The following ABCC4 variants were observed in gnomAD, a reference collection of about 807,000 sequenced individuals.
The protein encoded by ABCC4 is ATP-binding cassette sub-family C member 4.
In ABCC4, 102 loss-of-function variants were observed where a neutral mutation model predicts 168.5. The observed-to-expected ratio is 0.61, with a 90% confidence interval of 0.52 to 0.71. The LOEUF (loss-of-function observed/expected upper bound fraction) is 0.71. Ranked by LOEUF, ABCC4 falls within the 30% of genes least tolerant of loss-of-function variation. The pLI, the probability that ABCC4 is intolerant of heterozygous loss-of-function variation, is 0.00. For missense variants in ABCC4, 1,402 were observed against 1,605.8 expected (o/e 0.87, Z 2.17); for synonymous variants, 617 against 590.7 (o/e 1.04, Z -0.65).
At chr13:95,089,760 T>C (rs925462242) in intron 20 of ABCC4, among the ~76,000 whole-genome samples, 1 of 151,678 alleles carries the variant, frequency 6.6e-6, no homozygotes, top group African/African-American at 2.4e-5. Flanking sequence ...AAGAACCACA[T>C]GATCATATAA....
chr13:95,085,777 C>T (rs1327608859), intron 20 of ABCC4, among the ~76,000 whole-genome samples: 1 of 152,220 alleles, frequency 6.6e-6, no homozygotes, highest in African/African-American at 2.4e-5. Flanking sequence ...GAAGAGGCAA[C>T]ATGTCATAAG....
intron 19 of ABCC4, among the ~76,000 whole-genome samples, chr13:95,137,265 CACGTGTATTGAG>C (rs1390012673): frequency 6.6e-6 from 1 of 152,178 alleles, no homozygotes; most frequent in Non-Finnish European, 1.5e-5. Context: ...CCAGGAAGGC[CACGTGTATTGAG>C]ACTTTCTTAC....
intron 26 of ABCC4, among the ~76,000 whole-genome samples, chr13:95,058,999 A>G (rs2033181823): frequency 6.6e-6 from 1 of 152,260 alleles, no homozygotes; most frequent in African/African-American, 2.4e-5. Flanking sequence ...TAGAATGGAT[A>G]TAATAGAAAA....
chr13:95,300,625 G>T (rs2041650756), intron 1 of ABCC4, among the ~76,000 whole-genome samples: 1 of 152,138 alleles, frequency 6.6e-6, no homozygotes, highest in Non-Finnish European at 1.5e-5. Flanking sequence ...AGAGACACCG[G>T]GACACAGAGA....
chr13:95,199,339 A>G (rs2038556684), intron 8 of ABCC4, among the ~76,000 whole-genome samples: 1 of 152,134 alleles, frequency 6.6e-6, no homozygotes, highest in African/African-American at 2.4e-5. Flanking sequence ...GAAGAAAGTG[A>G]ACATTGGATC....
At chr13:95,157,002 G>T (rs144329006) in intron 19 of ABCC4, among the ~76,000 whole-genome samples, 18 of 151,972 alleles carry the variant, frequency 1.2e-4, no homozygotes, top group African/African-American at 1.7e-4. Context: ...TGAGGCAGGA[G>T]AATCACTTGA....
intron 19 of ABCC4, among the ~76,000 whole-genome samples, chr13:95,133,191 G>A (rs1450426333): frequency 7.4e-6 from 1 of 134,992 alleles, no homozygotes; most frequent in Non-Finnish European, 1.5e-5. Context: ...TCGGCTCACT[G>A]CAACCTCCGC....
chr13:95,239,410 A>G (rs548389546), intron 3 of ABCC4, among the ~76,000 whole-genome samples: 5 of 152,362 alleles, frequency 3.3e-5, no homozygotes, highest in Admixed American at 2.6e-4. Context: ...TTATCTTTAA[A>G]TATAAACATA....
At chr13:95,231,342 A>G (rs1365135794) in intron 4 of ABCC4, among the ~76,000 whole-genome samples, 1 of 152,236 alleles carries the variant, frequency 6.6e-6, no homozygotes, top group East Asian at 1.9e-4. Context: ...AAAAGCCTAA[A>G]GTAATTTTAC....
At chr13:95,118,662 T>C (rs986200788) in intron 19 of ABCC4, among the ~76,000 whole-genome samples, 10 of 152,288 alleles carry the variant, frequency 6.6e-5, no homozygotes, top group African/African-American at 2.4e-4. Flanking sequence ...ATAAATTCCC[T>C]CCATGCACAT....
At chr13:95,061,533 C>A (rs1353987967) in intron 26 of ABCC4, among the ~76,000 whole-genome samples, 1 of 151,854 alleles carries the variant, frequency 6.6e-6, no homozygotes, top group Non-Finnish European at 1.5e-5. Context: ...CCAGAAAGCT[C>A]ATTACTGCCT....
intron 13 of ABCC4, among the ~76,000 whole-genome samples, chr13:95,171,395 C>CAA (rs11350759): frequency 1.1e-4 from 16 of 148,090 alleles, no homozygotes; most frequent in Non-Finnish European, 2.4e-4. Flanking sequence ...CTGGGAGCTA[C>CAA]AAAAAAAAAA....
intron 21 of ABCC4, among the ~76,000 whole-genome samples, chr13:95,076,524 TAA>T (rs1783529793): frequency 6.9e-6 from 1 of 143,904 alleles, no homozygotes. Flanking sequence ...TTTTTTTTTT[TAA>T]GAGGGAGTTG....
At chr13:95,255,815 C>CT (rs1419341092) in intron 1 of ABCC4, among the ~76,000 whole-genome samples, 1 of 152,212 alleles carries the variant, frequency 6.6e-6, no homozygotes, top group Non-Finnish European at 1.5e-5. Context: ...CCATAGGCAC[C>CT]TCAGAGATTT....
intron 19 of ABCC4, among the ~76,000 whole-genome samples, chr13:95,131,885 A>G (rs983897953): frequency 2.0e-5 from 3 of 152,158 alleles, no homozygotes; most frequent in Non-Finnish European, 2.9e-5. Flanking sequence ...GAAAAAAAAA[A>G]TATGACAGGT....
At chr13:95,206,001 A>G (rs1391929926) in intron 8 of ABCC4, among the ~76,000 whole-genome samples, 4 of 152,218 alleles carry the variant, frequency 2.6e-5, no homozygotes, top group Admixed American at 6.5e-5. Context: ...GCGGACAGGA[A>G]AGAAATGGCA....
chr13:95,247,797 C>T (rs1309043662), intron 1 of ABCC4, 44 bp from the exon 2 acceptor site: 7 of 1,509,944 alleles, frequency 4.6e-6, no homozygotes, highest in Non-Finnish European at 6.4e-6. Context: ...ATTACACATC[C>T]GTGTTTAAGT....
intron 20 of ABCC4, among the ~76,000 whole-genome samples, chr13:95,108,641 C>CTTTTTT (rs11396828): frequency 2.0e-4 from 29 of 145,228 alleles, no homozygotes; most frequent in Middle Eastern, 3.5e-3. Context: ...AATCTATTTT[C>CTTTTTT]TTTTTTTTTT....
intron 1 of ABCC4, among the ~76,000 whole-genome samples, chr13:95,286,445 AAT>A (rs2041258824): frequency 6.6e-6 from 1 of 152,042 alleles, no homozygotes; most frequent in Non-Finnish European, 1.5e-5. Context: ...AAGATGTAAT[AAT>A]AACGCACCTT....
Sources: allele counts gnomAD v4.1 joint callset (sites outside exome capture counted in the v4.1 genomes callset), GRCh38; gene constraint gnomAD v4.1.1; transcripts MANE v1.5; gene names NCBI Gene and HGNC (gene_info 2026-07-23, HGNC 2026-07-21).